Variants in AGGF1 observed in about 807,000 individuals in gnomAD.
AGGF1 encodes angiogenic factor with G patch and FHA domains 1.
A neutral mutation model predicts 86.5 loss-of-function variants in AGGF1; 56 were observed. That is an observed-to-expected ratio of 0.65 (90% CI 0.52 to 0.81). AGGF1 has a LOEUF of 0.81. Among genes scored for constraint, AGGF1 ranks in the 30% least tolerant of loss-of-function variants. The pLI, the probability that AGGF1 is intolerant of heterozygous loss-of-function variation, is 0.00. For missense variants in AGGF1, 816 were observed against 850.9 expected (o/e 0.96, Z 0.51); for synonymous variants, 313 against 297.1 (o/e 1.05, Z -0.55).
intron 5 of AGGF1, among the ~76,000 whole-genome samples, chr5:77,041,012 G>A (rs1747067557): frequency 6.6e-6 from 1 of 152,190 alleles, no homozygotes; most frequent in African/African-American, 2.4e-5. Context: ...ATAGGCGTGA[G>A]CCACTGTGCC....
intron 11 of AGGF1, among the ~76,000 whole-genome samples, chr5:77,057,324 T>C (rs1282204155): frequency 6.6e-6 from 1 of 152,130 alleles, no homozygotes; most frequent in African/African-American, 2.4e-5. Flanking sequence ...TTTTTTTGAA[T>C]AACCAAAAAC....
intron 8 of AGGF1, among the ~76,000 whole-genome samples, chr5:77,051,340 G>A (rs1747370106): frequency 6.6e-6 from 1 of 151,908 alleles, no homozygotes; most frequent in South Asian, 2.1e-4. Flanking sequence ...GGCTGAGGCA[G>A]GAGAATGGCA....
rs747964895 is a variant in AGGF1 at position 77,063,071 on chromosome 5, G to A, written c.1964G>A (p.Arg655Gln). ...TAACAGATCCAGCTTCAGCTTCGGC[G>A]AACACATGCAGGCTTGGGGACAGGC... is the stretch of plus-strand genomic sequence containing the variant. The part of the protein sequence containing the change: ...MKTPIQLQLR[R>Q]THAGLGTGKP... The change falls in exon 14 of 14, where the codon CGA (arginine) becomes CAA (glutamine). Residue 655 changes from arginine to glutamine, a missense_variant. By Grantham distance (43) the Arg-to-Gln change is conservative (BLOSUM62 1). Around this residue, in one of 3 missense-constraint regions of AGGF1, gnomAD observed 565 missense variants for 585.8 expected, o/e 0.96. Transcript: ENST00000312916. 4.3e-6 allele frequency: 7 copies of A among 1,613,820 alleles called. No individual in the cohort carries two copies. The highest frequency in any genetic ancestry group is 4.5e-5 in the East Asian group (2 of 44,894).
Position 77,031,205 on chromosome 5 carries a change from A to AT in AGGF1, c.210+229_210+230insT, listed in dbSNP as rs1361397306. On this transcript the variant is annotated intron_variant, in intron 1 of 13. Coordinates refer to ENST00000312916, the MANE Select transcript of AGGF1 (RefSeq NM_018046.5). ...TCGCGGCTGGCGTGAATTGAACTTA[A>AT]GTACTGTGGCTACATTGTCTTCATT... Among the ~76,000 whole-genome samples, 3 of 152,262 alleles carry AT rather than the reference A, an allele frequency of 2.0e-5. No individual in the cohort carries two copies. The East Asian group carries it at 5.8e-4, about 29-fold the overall frequency.
chr5:77,032,251 G>GCA (rs777510199), intron 1 of AGGF1, among the ~76,000 whole-genome samples: 1 of 25,046 alleles, frequency 4.0e-5, no homozygotes, highest in Non-Finnish European at 1.0e-4. Flanking sequence ...TACAAATATG[G>GCA]TAAAAAAAAA....
At chr5:77,033,712 T>TGG (rs942583811) in intron 1 of AGGF1, among the ~76,000 whole-genome samples, 11 of 152,208 alleles carry the variant, frequency 7.2e-5, no homozygotes, top group Admixed American at 2.0e-4. Context: ...GTTTTTTAGT[T>TGG]GGTTTCTTGT....
rs79627556 is a variant in AGGF1, at chr5:77,054,271, G to A, written c.1633+141G>A. ...AGAGATATTTTATACAAAGCTATCA[G>A]TCTTGTATCCAGTTGATCTAATAAT... On this transcript the variant is annotated intron_variant, in intron 10 of 13. Coordinates refer to ENST00000312916, the MANE Select transcript of AGGF1 (RefSeq NM_018046.5). 4.1e-3 allele frequency: 4,192 copies of A among 1,030,192 alleles called. 100 individuals carry two copies. The African/African-American group carries it at 0.054, about 13-fold the overall frequency. 63.8% of individuals were successfully genotyped at this position (1,030,192 alleles called of 1,614,324 possible). A position where few individuals can be genotyped will look rare whatever the true frequency, so the allele number is the denominator to read the frequency against.
chr5:77,049,070 C>G, intron 8 of AGGF1, 83 bp downstream of exon 8: 1 of 1,382,852 alleles, frequency 7.2e-7, no homozygotes, highest in Non-Finnish European at 1.0e-6. Flanking sequence ...AGGGATTTTT[C>G]TCATTTAATA....
intron 9 of AGGF1, 71 bp downstream of exon 9, chr5:77,052,878 C>G (rs1747399317): frequency 1.6e-6 from 2 of 1,245,036 alleles, no homozygotes; most frequent in Admixed American, 3.6e-5. Flanking sequence ...TTCTGAAGGG[C>G]ATAATCTTTA....
At chr5:77,032,263 A>AAC (rs1554045785) in intron 1 of AGGF1, among the ~76,000 whole-genome samples, 7 of 150,432 alleles carry the variant, frequency 4.7e-5, no homozygotes, top group African/African-American at 1.2e-4. Context: ...AAAAAAAAAA[A>AAC]AAAAAAAAAA....
chr5:77,050,370 G>A (rs1747350916), intron 8 of AGGF1, among the ~76,000 whole-genome samples: 1 of 131,268 alleles, frequency 7.6e-6, no homozygotes, highest in African/African-American at 2.9e-5. Context: ...TGCCCAGGCT[G>A]GAATGCAGTG....
At chr5:77,054,233 C>G in intron 10 of AGGF1, 103 bp downstream of exon 10, 1 of 1,328,422 alleles carries the variant, frequency 7.5e-7, no homozygotes, top group Non-Finnish European at 1.1e-6. Context: ...CTAATTGATA[C>G]GATACTGCAT....
chr5:77,048,932 G>C lies in AGGF1; in HGVS notation c.1314-4G>C. 1 of 1,613,454 alleles carries C rather than the reference G, an allele frequency of 6.2e-7. No individual in the cohort carries two copies. Among genetic ancestry groups the C allele is most frequent in the Non-Finnish European group, 8.5e-7 (1 of 1,179,680 alleles). Reference sequence around the variant, plus strand: ...TATTAAAGACACTTTACTTAACTCTGCAGAGAAAAGGATATGGAACATACT... The same window carrying C: ...TATTAAAGACACTTTACTTAACTCTCCAGAGAAAAGGATATGGAACATACT... On this transcript the variant is annotated splice_polypyrimidine_tract_variant and splice_region_variant and intron_variant, in intron 7 of 13. Coordinates refer to ENST00000312916, the MANE Select transcript of AGGF1 (RefSeq NM_018046.5).
chr5:77,054,143 GA>G lies in AGGF1; in HGVS notation c.1633+14del. ...GATGAATCTTTTGGTATGTGAAACA[GA>G]TTAAATGTGGCTGTGATAACATTTC... On this transcript the variant is annotated intron_variant, in intron 10 of 13. Coordinates refer to ENST00000312916, the MANE Select transcript of AGGF1 (RefSeq NM_018046.5). The G allele has an allele frequency of 6.2e-7, 1 of 1,614,012 alleles. No homozygotes were observed. The highest frequency in any genetic ancestry group is 8.5e-7 in the Non-Finnish European group (1 of 1,179,940).
At position 77,030,568 on chromosome 5, in the gene AGGF1, G is replaced by A; in HGVS notation, c.-199G>A. On this transcript the variant is annotated 5_prime_UTR_variant, in exon 1 of 14. Coordinates refer to ENST00000312916, the MANE Select transcript of AGGF1 (RefSeq NM_018046.5). Reference sequence around the variant, plus strand: ...CGCACATCGGGCAGGGGCCATCCTCGGTCCCCTTGCTCGTTGCTCGCAGCC... The same window carrying A: ...CGCACATCGGGCAGGGGCCATCCTCAGTCCCCTTGCTCGTTGCTCGCAGCC... The A allele has an allele frequency of 1.4e-6, 1 of 719,374 alleles. No individual in the cohort carries two copies. The highest frequency in any genetic ancestry group is 2.5e-6 in the Non-Finnish European group (1 of 403,162). 44.6% of individuals were successfully genotyped at this position (719,374 alleles called of 1,614,324 possible).
At chr5:77,055,120 G>C (rs1158122804) in intron 10 of AGGF1, among the ~76,000 whole-genome samples, 1 of 152,132 alleles carries the variant, frequency 6.6e-6, no homozygotes, top group East Asian at 1.9e-4. Flanking sequence ...ATTTGAAAAT[G>C]AATATGTTGC....
chr5:77,046,523 C>T lies in AGGF1; in HGVS notation c.1047C>T (p.Asn349=). Residue 349 remains asparagine (N), a synonymous_variant, in exon 6 of 14, where the codon AAC becomes AAT. Coordinates refer to ENST00000312916, the MANE Select transcript of AGGF1 (RefSeq NM_018046.5). The part of the protein sequence containing the change: ...GNTIESPLHE[N]ISNSTSFKDE... The stretch of plus-strand genomic sequence containing the variant: ...CTATAGAGTCTCCTCTTCATGAAAA[C>T]ATCTCTAATTCAACATCATTTAAAG... 1 of 1,614,056 alleles carries T rather than the reference C, an allele frequency of 6.2e-7. No individual in the cohort carries two copies. Among genetic ancestry groups the T allele is most frequent in the Non-Finnish European group, 8.5e-7 (1 of 1,179,966 alleles).
chr5:77,030,847 G>C lies in AGGF1; in HGVS notation c.81G>C (p.Arg27=). ...SPEPELAQLR[R]KVEKLERELR... ...AGCCTGAGCTGGCCCAGCTAAGGCG[G>C]AAGGTGGAGAAGTTGGAACGTGAAC... Residue 27 remains arginine, a synonymous_variant, in exon 1 of 14, where the codon CGG becomes CGC. Coordinates refer to ENST00000312916, the MANE Select transcript of AGGF1 (RefSeq NM_018046.5). The C allele has an allele frequency of 6.2e-7, 1 of 1,612,608 alleles. No individual in the cohort carries two copies. The highest frequency in any genetic ancestry group is 8.5e-7 in the Non-Finnish European group (1 of 1,179,916).
chr5:77,039,484 A>G (rs778953808), intron 4 of AGGF1, 47 bp from the exon 5 acceptor site: 2 of 1,483,486 alleles, frequency 1.3e-6, no homozygotes, highest in Admixed American at 3.8e-5. Context: ...CGTTAAGTTT[A>G]TTTTATCTTA....
Sources: allele counts gnomAD v4.1 joint callset (sites outside exome capture counted in the v4.1 genomes callset), GRCh38; gene constraint gnomAD v4.1.1; regional missense constraint gnomAD v4.1.1; transcripts MANE v1.5; gene names NCBI Gene and HGNC (gene_info 2026-07-23, HGNC 2026-07-21).